FAM135B: variants seen among roughly 807,000 people sequenced by gnomAD.
The protein encoded by FAM135B is protein FAM135B.
A neutral mutation model predicts 127.7 loss-of-function variants in FAM135B; 43 were observed. The observed-to-expected ratio is 0.34, with a 90% CI of 0.26 to 0.43. FAM135B has a LOEUF of 0.43. Ranked by LOEUF, FAM135B falls within the 20% of genes least tolerant of loss-of-function variation. The pLI is 1.00. For synonymous variants in FAM135B, 670 were observed against 665.1 expected (o/e 1.01, Z -0.11); for missense variants, 1,558 against 1,725.6 (o/e 0.90, Z 1.72).
intron 3 of FAM135B, among the ~76,000 whole-genome samples, chr8:138,275,874 G>A (rs1398292): frequency 0.25 from 37,725 of 151,996 alleles, 5,590 homozygotes; most frequent in Non-Finnish European, 0.33. Context: ...ATCCCGGCCC[G>A]GCAAATATTT....
chr8:138,316,979 C>CA (rs112559661), intron 2 of FAM135B, among the ~76,000 whole-genome samples: 7,723 of 122,468 alleles, frequency 0.063, 317 homozygotes, highest in East Asian at 0.16. Flanking sequence ...GACTCCATCT[C>CA]AAAAAAAAAA....
intron 3 of FAM135B, 48 bp downstream of exon 3, chr8:138,310,793 G>C: frequency 2.6e-6 from 4 of 1,546,242 alleles, no homozygotes; most frequent in Non-Finnish European, 3.6e-6. Flanking sequence ...GTGACAAAGG[G>C]AGGTTCGCCA....
chr8:138,139,059 A>C lies in FAM135B; in HGVS notation c.3828T>G (p.Ser1276=). ...WLMQKLKKSG[S]LLQLTFRDNA... ...TATCCCTGAAGGTCAGCTGCAGTAGAGACCCGGATTTCTTCAGTTTCTGCA... is the reference window on the plus strand; with the variant it reads ...TATCCCTGAAGGTCAGCTGCAGTAGCGACCCGGATTTCTTCAGTTTCTGCA... The change falls in exon 18 of 20, where the codon TCT becomes TCG. Residue 1276 remains serine, a synonymous_variant. Coordinates refer to ENST00000395297, the MANE Select transcript of FAM135B (RefSeq NM_015912.4). 2 of 1,613,934 alleles carry C rather than the reference A, an allele frequency of 1.2e-6. No individual in the cohort carries two copies. The highest frequency in any genetic ancestry group is 1.7e-6 in the Non-Finnish European group (2 of 1,179,786).
At chr8:138,225,635 G>A (rs533604007) in intron 7 of FAM135B, among the ~76,000 whole-genome samples, 2 of 152,238 alleles carry the variant, frequency 1.3e-5, no homozygotes, top group African/African-American at 4.8e-5. Flanking sequence ...CATAGATTAA[G>A]GTCCACATAG....
intron 1 of FAM135B, among the ~76,000 whole-genome samples, chr8:138,475,295 T>G (rs1814355535): frequency 6.6e-6 from 1 of 152,126 alleles, no homozygotes; most frequent in Non-Finnish European, 1.5e-5. Context: ...TTCTTTTATC[T>G]TTCTACAGGA....
intron 1 of FAM135B, among the ~76,000 whole-genome samples, chr8:138,432,826 A>G (rs1426934244): frequency 6.6e-6 from 1 of 152,148 alleles, no homozygotes; most frequent in East Asian, 1.9e-4. Flanking sequence ...AATTAGACAC[A>G]GTAGTATAGA....
intron 12 of FAM135B, among the ~76,000 whole-genome samples, chr8:138,166,399 C>G (rs148005203): frequency 2.0e-3 from 299 of 152,348 alleles, no homozygotes; most frequent in African/African-American, 7.0e-3. Flanking sequence ...AGCAGCAAAA[C>G]AGGTTGCACT....
chr8:138,447,547 C>T (rs188128045), intron 1 of FAM135B, among the ~76,000 whole-genome samples: 388 of 151,804 alleles, frequency 2.6e-3, no homozygotes, highest in Middle Eastern at 0.014. Context: ...AGCAAACTAT[C>T]GCAAGGACAA....
intron 7 of FAM135B, among the ~76,000 whole-genome samples, chr8:138,203,625 G>A (rs1009788852): frequency 3.3e-5 from 5 of 152,096 alleles, no homozygotes; most frequent in African/African-American, 1.2e-4. Flanking sequence ...TGCCATTCAA[G>A]GACTTTACAC....
intron 1 of FAM135B, among the ~76,000 whole-genome samples, chr8:138,376,220 G>T (rs745696803): frequency 3.3e-5 from 5 of 152,182 alleles, no homozygotes; most frequent in Non-Finnish European, 7.3e-5. Context: ...TAGGATTACA[G>T]ACATGAACCA....
At chr8:138,178,407 T>A (rs1196915607) in intron 10 of FAM135B, 128 bp downstream of exon 10, 2 of 1,068,274 alleles carry the variant, frequency 1.9e-6, no homozygotes, top group African/African-American at 3.1e-5. Context: ...CCCTGCACGG[T>A]CATGGTAGAG....
At chr8:138,340,038 C>A (rs1828934740) in intron 2 of FAM135B, among the ~76,000 whole-genome samples, 1 of 152,160 alleles carries the variant, frequency 6.6e-6, no homozygotes, top group South Asian at 2.1e-4. Context: ...GGGTTGGGAG[C>A]TGCAAGAACT....
At chr8:138,341,804 A>C (rs936394406) in intron 2 of FAM135B, among the ~76,000 whole-genome samples, 1 of 152,106 alleles carries the variant, frequency 6.6e-6, no homozygotes, top group Non-Finnish European at 1.5e-5. Context: ...GTCTTAATCC[A>C]GCACACAAGG....
In FAM135B at chr8:138,152,027, A is replaced by G. The variant is rs777431377; in HGVS notation, c.2448T>C (p.Cys816=). ...CTCCAGCATCTGTTCCAGAGTCACCACAAAGTTGAGAGCAAGATCCTGGGG... is the reference window on the plus strand; with the variant it reads ...CTCCAGCATCTGTTCCAGAGTCACCGCAAAGTTGAGAGCAAGATCCTGGGG... ...QGSPGSCSQL[C]GDSGTDAGAD... The change falls in exon 13 of 20, where the codon TGT becomes TGC. Residue 816 remains cysteine, a synonymous_variant. Coordinates refer to ENST00000395297, the MANE Select transcript of FAM135B (RefSeq NM_015912.4). The G allele has an allele frequency of 6.2e-7, 1 of 1,614,088 alleles. No individual in the cohort carries two copies. Among genetic ancestry groups the G allele is most frequent in the Non-Finnish European group, 8.5e-7 (1 of 1,180,020 alleles).
chr8:138,319,125 G>A (rs1432932211), intron 2 of FAM135B, among the ~76,000 whole-genome samples: 2 of 151,606 alleles, frequency 1.3e-5, no homozygotes, highest in African/African-American at 2.4e-5. Context: ...TGTTTGTTTT[G>A]AGACAGAGTC....
chr8:138,489,168 T>A (rs1003322257), intron 1 of FAM135B, among the ~76,000 whole-genome samples: 2 of 152,232 alleles, frequency 1.3e-5, no homozygotes, highest in African/African-American at 4.8e-5. Flanking sequence ...AAAATGTATG[T>A]GGATGTCATC....
intron 11 of FAM135B, among the ~76,000 whole-genome samples, chr8:138,171,405 C>T (rs1219515135): frequency 6.6e-6 from 1 of 152,056 alleles, no homozygotes; most frequent in East Asian, 1.9e-4. Context: ...GTCCACTTAC[C>T]CTGCTCTGTG....
At chr8:138,172,844 T>C (rs1820585097) in intron 11 of FAM135B, among the ~76,000 whole-genome samples, 1 of 152,206 alleles carries the variant, frequency 6.6e-6, no homozygotes, top group African/African-American at 2.4e-5. Flanking sequence ...ACTCTGCCTT[T>C]GCCTTTTCAA....
At chr8:138,341,358 A>G (rs1304988448) in intron 2 of FAM135B, among the ~76,000 whole-genome samples, 2 of 152,216 alleles carry the variant, frequency 1.3e-5, no homozygotes, top group Admixed American at 1.3e-4. Context: ...GGTTCCTTGC[A>G]TAATCAAATT....
Sources: allele counts gnomAD v4.1 joint callset (sites outside exome capture counted in the v4.1 genomes callset), GRCh38; gene constraint gnomAD v4.1.1; transcripts MANE v1.5; gene names NCBI Gene and HGNC (gene_info 2026-07-23, HGNC 2026-07-21).